Variants in PPM1H observed in about 807,000 individuals in gnomAD.
The protein encoded by PPM1H is protein phosphatase 1H.
A neutral mutation model predicts 54.9 loss-of-function variants in PPM1H; 27 were observed. The ratio of observed to expected loss-of-function variants is 0.49; its 90% CI spans 0.36 to 0.68. The LOEUF is 0.68. PPM1H is among the 30% of genes least tolerant of loss of function. PPM1H has a pLI of 0.00. For missense variants in PPM1H, 596 were observed against 667.8 expected (o/e 0.89, Z 1.19); for synonymous variants, 305 against 270.8 (o/e 1.13, Z -1.24).
At chr12:62,702,586 C>T (rs2076150534) in intron 6 of PPM1H, among the ~76,000 whole-genome samples, 1 of 111,926 alleles carries the variant, frequency 8.9e-6, no homozygotes, top group Non-Finnish European at 1.8e-5. Flanking sequence ...GAGAGAAATA[C>T]CACTTGTTTC....
intron 1 of PPM1H, among the ~76,000 whole-genome samples, chr12:62,882,912 CCCCCACCGCCACTCCCCAG>C (rs1300595254): frequency 6.6e-6 from 1 of 151,952 alleles, no homozygotes; most frequent in African/African-American, 2.4e-5. Flanking sequence ...CCACCCTCCA[CCCCCACCGCCACTCCCCAG>C]CCCCATCTGT....
chr12:62,853,091 G>A (rs1216173466), intron 1 of PPM1H, among the ~76,000 whole-genome samples: 2 of 151,682 alleles, frequency 1.3e-5, no homozygotes, highest in East Asian at 1.9e-4. Flanking sequence ...TGGGGGCGGT[G>A]GAAATGCAAA....
At chr12:62,890,359 G>T (rs1474717806) in intron 1 of PPM1H, among the ~76,000 whole-genome samples, 1 of 152,274 alleles carries the variant, frequency 6.6e-6, no homozygotes, top group East Asian at 1.9e-4. Flanking sequence ...TCAGGAGGCC[G>T]AAGTGGGAGG....
intron 9 of PPM1H, chr12:62,659,149 T>C (rs2075865539): frequency 2.7e-6 from 2 of 733,156 alleles, no homozygotes; most frequent in African/African-American, 3.5e-5. Flanking sequence ...TGCAAAGCCG[T>C]TGTGGAAAGA....
At position 62,934,381 on chromosome 12, in the gene PPM1H, C is replaced by T. The variant is rs923883034; in HGVS notation, c.245+111G>A. ...GAGCTCCCCGCCGAGGCCTGGACGC[C>T]GGCAGCTAGTGAGAGCCCTGAGGCC... On this transcript the variant is annotated intron_variant, in intron 1 of 9. Transcript: ENST00000228705. This position sits in a 1 kb window ranked among gnomAD's most constrained non-coding sequence, Gnocchi z 4.2. 4.4e-6 allele frequency: 6 copies of T among 1,351,112 alleles called. No homozygotes were observed. Among genetic ancestry groups the T allele is most frequent in the Non-Finnish European group, 5.8e-6 (6 of 1,038,266 alleles). The allele number at this position is 1,351,112 out of a possible 1,614,324, so 83.7% of individuals were successfully genotyped here. A position where few individuals can be genotyped will look rare whatever the true frequency, so the allele number is the denominator to read the frequency against.
Position 62,801,954 on chromosome 12 carries a change from C to G in PPM1H, c.618G>C (p.Leu206=). 6.2e-7 allele frequency: 1 copy of G among 1,612,520 alleles called. No homozygotes were observed. Among genetic ancestry groups the G allele is most frequent in the African/African-American group, 1.3e-5 (1 of 75,032 alleles). The change falls in exon 3 of 10, where the codon CTG becomes CTC. Residue 206 remains leucine, a synonymous_variant. Transcript: ENST00000228705. ...CTCCGCGCAGGGAGGCTGCCCGGGT[C>G]AGAGTCCGGCTGTTGGCGGGCGTGT... ...PENTPANSRT[L]TRAASLRGGV... is the part of the protein sequence containing the mutation.
At chr12:62,759,396 C>G (rs1394661426) in intron 4 of PPM1H, among the ~76,000 whole-genome samples, 1 of 152,120 alleles carries the variant, frequency 6.6e-6, no homozygotes, top group Non-Finnish European at 1.5e-5. Context: ...TCTCACTATC[C>G]CTCAACCTCT....
chr12:62,674,291 C>T (rs1470142452), intron 8 of PPM1H, among the ~76,000 whole-genome samples: 1 of 152,102 alleles, frequency 6.6e-6, no homozygotes, highest in Non-Finnish European at 1.5e-5. Flanking sequence ...GTGACTGGAG[C>T]TCTCAATAGT....
intron 1 of PPM1H, among the ~76,000 whole-genome samples, chr12:62,849,401 G>T (rs1387712583): frequency 6.6e-6 from 1 of 152,188 alleles, no homozygotes; most frequent in Non-Finnish European, 1.5e-5. Flanking sequence ...TATAAAAACT[G>T]AATCCAGAAA....
chr12:62,804,244 C>T (rs544788230), intron 2 of PPM1H, among the ~76,000 whole-genome samples: 1 of 151,990 alleles, frequency 6.6e-6, no homozygotes, highest in African/African-American at 2.4e-5. Context: ...ATCCCAGCTA[C>T]TCAGAAAGTT....
chr12:62,724,952 A>C (rs969370377), intron 5 of PPM1H, among the ~76,000 whole-genome samples: 1 of 152,192 alleles, frequency 6.6e-6, no homozygotes, highest in East Asian at 1.9e-4. Flanking sequence ...GTATGTTCAT[A>C]ATTTTCCACA....
intron 2 of PPM1H, among the ~76,000 whole-genome samples, chr12:62,804,350 T>TAAAAAAAAAAAAAAAAA (rs1452737032): frequency 1.1e-4 from 13 of 113,158 alleles, no homozygotes; most frequent in South Asian, 2.8e-4. Context: ...TGACCCTGTC[T>TAAAAAAAAAAAAAAAAA]CAAAAAAAAA....
At chr12:62,740,361 C>A (rs968153137) in intron 4 of PPM1H, among the ~76,000 whole-genome samples, 5 of 152,142 alleles carry the variant, frequency 3.3e-5, no homozygotes, top group African/African-American at 1.2e-4. Flanking sequence ...GTCTCCTAAC[C>A]CTGGCACCAG....
At chr12:62,764,886 G>A (rs924807577) in intron 4 of PPM1H, among the ~76,000 whole-genome samples, 4 of 152,232 alleles carry the variant, frequency 2.6e-5, no homozygotes, top group Admixed American at 6.5e-5. Context: ...TGTGAAGGCC[G>A]CATGGTGGCG....
intron 3 of PPM1H, among the ~76,000 whole-genome samples, chr12:62,793,551 C>T (rs2076712256): frequency 6.6e-6 from 1 of 151,732 alleles, no homozygotes; most frequent in African/African-American, 2.4e-5. Flanking sequence ...ACGTAGAAAC[C>T]CCGTCTCTAC....
chr12:62,887,860 A>C (rs1870646595), intron 1 of PPM1H, among the ~76,000 whole-genome samples: 1 of 152,220 alleles, frequency 6.6e-6, no homozygotes, highest in East Asian at 1.9e-4. Flanking sequence ...AGGGGAGAGC[A>C]ACTGCAAAGG....
chr12:62,699,580 C>G (rs2076132566), intron 6 of PPM1H, among the ~76,000 whole-genome samples: 3 of 152,180 alleles, frequency 2.0e-5, no homozygotes, highest in South Asian at 4.1e-4. Context: ...ACAGACTCAA[C>G]AGTAGAGGGT....
intron 4 of PPM1H, among the ~76,000 whole-genome samples, chr12:62,754,097 C>G (rs1176955658): frequency 6.6e-6 from 1 of 152,126 alleles, no homozygotes; most frequent in Non-Finnish European, 1.5e-5. Flanking sequence ...TATTTTAGGG[C>G]CCCAAAAGTC....
chr12:62,746,011 C>A (rs368442645), intron 4 of PPM1H, among the ~76,000 whole-genome samples: 1 of 152,004 alleles, frequency 6.6e-6, no homozygotes, highest in Admixed American at 6.6e-5. Flanking sequence ...AGGCAACATA[C>A]TGAGACCCTC....
Sources: allele counts gnomAD v4.1 joint callset (sites outside exome capture counted in the v4.1 genomes callset), GRCh38; gene constraint gnomAD v4.1.1; non-coding constraint Gnocchi (gnomAD v3.1); transcripts MANE v1.5; gene names NCBI Gene and HGNC (gene_info 2026-07-23, HGNC 2026-07-21).